ADGRL3: variants seen among roughly 807,000 people sequenced by gnomAD.
The protein encoded by ADGRL3 is calcium-independent alpha-latrotoxin receptor 3.
A neutral mutation model predicts 153.5 loss-of-function variants in ADGRL3; 62 were observed. The ratio of observed to expected loss-of-function variants is 0.40; its 90% CI spans 0.33 to 0.50. The LOEUF (loss-of-function observed/expected upper bound fraction) is 0.50. Ranked by LOEUF, ADGRL3 falls within the 20% of genes least tolerant of loss-of-function variation. The pLI is 0.47. For synonymous variants in ADGRL3, 710 were observed against 672.5 expected (o/e 1.06, Z -0.86); for missense variants, 1,641 against 1,859.4 (o/e 0.88, Z 2.16).
chr4:61,894,992 A>G (rs2098618881), intron 10 of ADGRL3, among the ~76,000 whole-genome samples: 1 of 152,202 alleles, frequency 6.6e-6, no homozygotes, highest in African/African-American at 2.4e-5. Flanking sequence ...CCAGTTCAAA[A>G]AAACTTGAAG....
At chr4:61,947,492 A>C (rs2098930095) in intron 16 of ADGRL3, among the ~76,000 whole-genome samples, 1 of 152,204 alleles carries the variant, frequency 6.6e-6, no homozygotes, top group African/African-American at 2.4e-5. Context: ...TTGCTGCAAA[A>C]ACAAGAAAAC....
chr4:61,638,419 T>C (rs1166353467), intron 5 of ADGRL3, among the ~76,000 whole-genome samples: 2 of 152,140 alleles, frequency 1.3e-5, no homozygotes, highest in Non-Finnish European at 2.9e-5. Context: ...AACTTCATAG[T>C]GGTGTGGGTT....
intron 2 of ADGRL3, among the ~76,000 whole-genome samples, chr4:61,480,404 TACC>T (rs988119556): frequency 3.9e-5 from 6 of 152,192 alleles, no homozygotes; most frequent in Non-Finnish European, 5.9e-5. Context: ...TGTCTAAATA[TACC>T]ACATTTTCTA....
chr4:61,789,456 T>C (rs1350265828), intron 8 of ADGRL3, among the ~76,000 whole-genome samples: 1 of 152,198 alleles, frequency 6.6e-6, no homozygotes, highest in Non-Finnish European at 1.5e-5. Context: ...AATCACTTTA[T>C]GTAAGGATTA....
chr4:61,886,527 A>G (rs1029022765), intron 9 of ADGRL3, among the ~76,000 whole-genome samples: 1 of 152,232 alleles, frequency 6.6e-6, no homozygotes, highest in Non-Finnish European at 1.5e-5. Context: ...GTACATATTT[A>G]GAGAGGAAAG....
intron 21 of ADGRL3, among the ~76,000 whole-genome samples, chr4:62,002,370 T>A (rs190220619): frequency 3.3e-5 from 5 of 150,988 alleles, no homozygotes; most frequent in Non-Finnish European, 5.9e-5. Context: ...CTACTCACTT[T>A]CTTTTCCCTA....
At chr4:61,296,072 A>G (rs1038333531) in intron 1 of ADGRL3, among the ~76,000 whole-genome samples, 3 of 152,182 alleles carry the variant, frequency 2.0e-5, no homozygotes, top group Non-Finnish European at 4.4e-5. Context: ...TCTAAGGTAA[A>G]TTGATTTTGG....
At chr4:61,723,039 A>G (rs2096267277) in intron 6 of ADGRL3, among the ~76,000 whole-genome samples, 1 of 152,136 alleles carries the variant, frequency 6.6e-6, no homozygotes, top group Non-Finnish European at 1.5e-5. Flanking sequence ...AATAGATGAC[A>G]TTTTCCATAG....
intron 8 of ADGRL3, among the ~76,000 whole-genome samples, chr4:61,776,592 C>A (rs1366277339): frequency 2.0e-5 from 3 of 151,880 alleles, no homozygotes; most frequent in African/African-American, 7.3e-5. Context: ...AAATATATTC[C>A]TATGTGCTGT....
intron 8 of ADGRL3, among the ~76,000 whole-genome samples, chr4:61,807,397 A>G (rs960029829): frequency 1.3e-5 from 2 of 151,546 alleles, no homozygotes; most frequent in Non-Finnish European, 2.9e-5. Flanking sequence ...GACGTCATGG[A>G]ATATATTTTT....
intron 4 of ADGRL3, among the ~76,000 whole-genome samples, chr4:61,531,639 TG>T (rs2098616458): frequency 6.6e-6 from 1 of 152,082 alleles, no homozygotes; most frequent in African/African-American, 2.4e-5. Flanking sequence ...AACTCCTACT[TG>T]GGAAGAAATT....
chr4:61,855,747 A>G (rs2098256023), intron 9 of ADGRL3, among the ~76,000 whole-genome samples: 1 of 152,152 alleles, frequency 6.6e-6, no homozygotes, highest in Non-Finnish European at 1.5e-5. Flanking sequence ...AGTCACCTAA[A>G]TAGTGACAGA....
intron 5 of ADGRL3, among the ~76,000 whole-genome samples, chr4:61,629,185 A>C (rs2093006148): frequency 6.6e-6 from 1 of 152,124 alleles, no homozygotes. Context: ...ATTCATTTTC[A>C]TTTTCTGAAA....
chr4:61,239,546 T>C (rs1175524464), intron 1 of ADGRL3, among the ~76,000 whole-genome samples: 5 of 151,944 alleles, frequency 3.3e-5, no homozygotes, highest in Non-Finnish European at 5.9e-5. Context: ...AAACTCTGAG[T>C]GAACAGAATG....
rs191618160 is a variant in ADGRL3 at position 61,913,379 on chromosome 4, G to A, written c.2112+622G>A. ...TGACAGAGAACAACCTTAGAAGCAA[G>A]CTCTCTAGTTTTTTGTTTTGTTTTG... On this transcript the variant is annotated intron_variant, in intron 13 of 26. Transcript: ENST00000683033. 2.6e-3 allele frequency among the ~76,000 whole-genome samples: 399 copies of A among 152,250 alleles called. 2 individuals carry two copies. Among genetic ancestry groups the A allele is most frequent in the South Asian group, 0.013 (62 of 4,826 alleles).
chr4:61,817,436 C>A (rs2097701241), intron 9 of ADGRL3, among the ~76,000 whole-genome samples: 1 of 152,132 alleles, frequency 6.6e-6, no homozygotes, highest in African/African-American at 2.4e-5. Flanking sequence ...CAGACTCAGC[C>A]ATACTTGGAC....
At chr4:61,980,193 A>T (rs2099062758) in intron 18 of ADGRL3, among the ~76,000 whole-genome samples, 1 of 150,588 alleles carries the variant, frequency 6.6e-6, no homozygotes, top group East Asian at 2.0e-4. Flanking sequence ...ATTAGATTTC[A>T]CTCTAGGGAT....
At chr4:61,666,078 C>T (rs987274321) in intron 5 of ADGRL3, among the ~76,000 whole-genome samples, 7 of 152,192 alleles carry the variant, frequency 4.6e-5, no homozygotes, top group Non-Finnish European at 8.8e-5. Flanking sequence ...TGCCAGACTT[C>T]ATTTCCCTCT....
intron 4 of ADGRL3, among the ~76,000 whole-genome samples, chr4:61,532,821 G>A (rs2098631724): frequency 1.3e-5 from 2 of 151,744 alleles, no homozygotes; most frequent in South Asian, 4.2e-4. Context: ...CATCTCAGCG[G>A]ATCAGCAGGG....
Sources: allele counts gnomAD v4.1 joint callset (sites outside exome capture counted in the v4.1 genomes callset), GRCh38; gene constraint gnomAD v4.1.1; transcripts MANE v1.5; gene names NCBI Gene and HGNC (gene_info 2026-07-23, HGNC 2026-07-21).